TMEM272: variants seen among roughly 807,000 people sequenced by gnomAD.
TMEM272 encodes the protein long intergenic non-protein coding RNA 282.
A neutral mutation model predicts 3.7 loss-of-function variants in TMEM272; 8 were observed. That is an observed-to-expected ratio of 2.17 (90% CI 1.27 to 3.91). TMEM272 has a LOEUF of 3.91. TMEM272 is among the 30% of genes most tolerant of loss of function. The pLI, the probability that TMEM272 is intolerant of heterozygous loss-of-function variation, is 0.00. For missense variants in TMEM272, 166 were observed against 91.5 expected (o/e 1.81, Z -3.32); for synonymous variants, 63 against 39.8 (o/e 1.58, Z -2.20).
chr13:51,927,422 C>A, the TMEM272 span, among the ~76,000 whole-genome samples: 2 of 152,176 alleles, frequency 1.3e-5, no homozygotes, highest in East Asian at 1.9e-4. Context: ...CTATTTTAAT[C>A]AAAAATTAGT....
chr13:51,883,395 G>A, the TMEM272 span, among the ~76,000 whole-genome samples: 1 of 152,332 alleles, frequency 6.6e-6, no homozygotes, highest in Non-Finnish European at 1.5e-5. Context: ...GAGCAAGACA[G>A]AGAAGAATTT....
chr13:51,909,127 G>T, the TMEM272 span: 8 of 1,450,752 alleles, frequency 5.5e-6, no homozygotes, highest in South Asian at 9.1e-5. Context: ...AGTGCATAAG[G>T]ATCTTTTTCT....
At chr13:51,876,111 G>C in the TMEM272 span, among the ~76,000 whole-genome samples, 1 of 152,162 alleles carries the variant, frequency 6.6e-6, no homozygotes, top group Admixed American at 6.5e-5. Context: ...CAGCTCTCCT[G>C]GGGGTGTTCC....
At chr13:51,910,317 T>C in the TMEM272 span, 3 of 1,383,380 alleles carry the variant, frequency 2.2e-6, no homozygotes, top group Non-Finnish European at 3.1e-6. Context: ...GCCTTCATAC[T>C]CTTTTTGAAC....
At chr13:51,880,590 C>T in the TMEM272 span, among the ~76,000 whole-genome samples, 16 of 152,028 alleles carry the variant, frequency 1.1e-4, no homozygotes, top group South Asian at 2.9e-3. Context: ...CCTTCCCACC[C>T]GTAGAAATTA....
chr13:51,923,676 T>TG, the TMEM272 span, among the ~76,000 whole-genome samples: 80,575 of 145,562 alleles, frequency 0.55, 22,547 homozygotes, highest in African/African-American at 0.71. Context: ...AAAAGGAAGA[T>TG]GAAGGAGAGA....
chr13:51,860,481 C>A, the TMEM272 span, among the ~76,000 whole-genome samples: 7 of 151,480 alleles, frequency 4.6e-5, no homozygotes, highest in Admixed American at 2.0e-4. Context: ...TCTAAAAAAA[C>A]ACAAAAAATT....
At position 51,815,403 on chromosome 13, in the gene TMEM272, C is replaced by T. The variant is rs949519839; in HGVS notation, c.*1348G>A. 7 of 152,510 alleles carry T rather than the reference C, an allele frequency of 4.6e-5. No homozygotes were observed. In the East Asian group the frequency reaches 1.3e-3, roughly 29 times the overall value. 9.4% of individuals were successfully genotyped at this position (152,510 alleles called of 1,614,324 possible). On this transcript the variant is annotated 3_prime_UTR_variant, in exon 5 of 5. Transcript: ENST00000629372. Reference sequence around the variant, plus strand: ...AAATGGGAAGACCCCATGGGACTCACGGGGCCTTTCTCTTAAAGCTACGGA... The same window carrying T: ...AAATGGGAAGACCCCATGGGACTCATGGGGCCTTTCTCTTAAAGCTACGGA...
chr13:51,832,234 T>TA (rs1235525382), intron 2 of TMEM272, among the ~76,000 whole-genome samples: 1 of 152,202 alleles, frequency 6.6e-6, no homozygotes, highest in Non-Finnish European at 1.5e-5. Context: ...TAGCAGGTGT[T>TA]AAAGATACGC....
chr13:51,927,257 C>T, the TMEM272 span, among the ~76,000 whole-genome samples: 1 of 152,152 alleles, frequency 6.6e-6, no homozygotes, highest in Non-Finnish European at 1.5e-5. Context: ...GCTCCCCACC[C>T]CACCCCAGGA....
intron 1 of TMEM272, among the ~76,000 whole-genome samples, chr13:51,842,760 T>A (rs1956273273): frequency 6.6e-6 from 1 of 152,260 alleles, no homozygotes; most frequent in Non-Finnish European, 1.5e-5. Flanking sequence ...CCATTTGGTC[T>A]TCAGAACTCT....
chr13:51,893,235 C>T, the TMEM272 span, among the ~76,000 whole-genome samples: 1 of 152,166 alleles, frequency 6.6e-6, no homozygotes, highest in African/African-American at 2.4e-5. Flanking sequence ...TTGCAGTTCT[C>T]GAGTATTTGT....
At chr13:51,867,331 G>A in the TMEM272 span, among the ~76,000 whole-genome samples, 1 of 152,184 alleles carries the variant, frequency 6.6e-6, no homozygotes, top group Middle Eastern at 3.2e-3. Context: ...AAATAGGAGG[G>A]CCAGGACCAA....
At chr13:51,888,748 C>T in the TMEM272 span, among the ~76,000 whole-genome samples, 7 of 142,136 alleles carry the variant, frequency 4.9e-5, no homozygotes, top group African/African-American at 1.8e-4. Flanking sequence ...CAGGTTCAAG[C>T]GATTCTCCTG....
chr13:51,910,248 T>C, the TMEM272 span: 27 of 1,378,620 alleles, frequency 2.0e-5, no homozygotes, highest in Middle Eastern at 1.8e-4. Flanking sequence ...CTCCAGACTT[T>C]GTGCTTCTGT....
the TMEM272 span, among the ~76,000 whole-genome samples, chr13:51,914,816 T>TA: frequency 6.6e-6 from 1 of 152,220 alleles, no homozygotes; most frequent in Non-Finnish European, 1.5e-5. Flanking sequence ...GGGCACATGT[T>TA]AGAGTCCAAG....
chr13:51,888,344 C>G, the TMEM272 span, among the ~76,000 whole-genome samples: 1 of 152,288 alleles, frequency 6.6e-6, no homozygotes, highest in African/African-American at 2.4e-5. Context: ...CTGCGCCCAG[C>G]CTACTTGACT....
the TMEM272 span, among the ~76,000 whole-genome samples, chr13:51,904,225 TG>T: frequency 6.6e-6 from 1 of 152,092 alleles, no homozygotes; most frequent in African/African-American, 2.4e-5. Context: ...ATGATGATGA[TG>T]ATGATGTTAA....
chr13:51,888,230 G>C, the TMEM272 span, among the ~76,000 whole-genome samples: 2 of 152,040 alleles, frequency 1.3e-5, no homozygotes, highest in Non-Finnish European at 1.5e-5. Flanking sequence ...ATTTTTAGTA[G>C]TGACGGTGTT....
Sources: allele counts gnomAD v4.1 joint callset (sites outside exome capture counted in the v4.1 genomes callset), GRCh38; gene constraint gnomAD v4.1.1; transcripts MANE v1.5; gene names NCBI Gene and HGNC (gene_info 2026-07-23, HGNC 2026-07-21).